Variants in LHFPL3 observed in about 807,000 individuals in gnomAD.
LHFPL3 encodes the protein LHFPL tetraspan subfamily member 3 protein.
In LHFPL3, 5 loss-of-function variants were observed where a neutral mutation model predicts 19.3. The observed-to-expected ratio is 0.26, with a 90% CI of 0.14 to 0.54. The LOEUF (loss-of-function observed/expected upper bound fraction) is 0.54, where lower values mean the gene tolerates loss of function less well. Among genes scored for constraint, LHFPL3 ranks in the 20% least tolerant of loss-of-function variants. The probability of loss-of-function intolerance (pLI) is 0.94; values close to 1 mark genes in which losing one functional copy is unlikely to be tolerated. For missense variants in LHFPL3, 249 were observed against 307.4 expected (o/e 0.81, Z 1.42); for synonymous variants, 133 against 126.2 (o/e 1.05, Z -0.36).
intron 2 of LHFPL3, among the ~76,000 whole-genome samples, chr7:104,857,808 A>T (rs190609247): frequency 2.0e-5 from 3 of 152,300 alleles, no homozygotes; most frequent in Non-Finnish European, 4.4e-5. Flanking sequence ...TGAGCTCCCA[A>T]AACTGGCACC....
At chr7:104,496,578 TC>T (rs973100201) in intron 1 of LHFPL3, among the ~76,000 whole-genome samples, 51 of 152,158 alleles carry the variant, frequency 3.4e-4, no homozygotes, top group Admixed American at 2.0e-4. Flanking sequence ...TAGTTTACAG[TC>T]CCACCAACAG....
At chr7:104,359,772 G>A (rs1790356174) in intron 1 of LHFPL3, among the ~76,000 whole-genome samples, 1 of 152,240 alleles carries the variant, frequency 6.6e-6, no homozygotes, top group African/African-American at 2.4e-5. Context: ...TTAAAAAGTG[G>A]CCAGCACAGT....
chr7:104,328,631 G>A lies in LHFPL3; in HGVS notation c.-149G>A, dbSNP rs372974191. On this transcript the variant is annotated 5_prime_UTR_variant, in exon 1 of 3. Transcript: ENST00000424859. This position sits in a 1 kb window ranked among gnomAD's most constrained non-coding sequence, Gnocchi z 4.6. ...CCCCCGCCCTCCTTCCGGGAGCGAG[G>A]ATGCAGACTCTGAAACTGGTGCTGC... The A allele has an allele frequency of 7.2e-6, 5 of 698,636 alleles. No homozygotes were observed. The highest frequency in any genetic ancestry group is 1.8e-5 in the South Asian group (1 of 54,754). 43.3% of individuals were successfully genotyped at this position (698,636 alleles called of 1,614,324 possible).
intron 1 of LHFPL3, among the ~76,000 whole-genome samples, chr7:104,705,032 A>G (rs1793167087): frequency 6.6e-6 from 1 of 152,182 alleles, no homozygotes; most frequent in South Asian, 2.1e-4. Flanking sequence ...GGCTGTGGTT[A>G]ATCACATTTC....
chr7:104,814,223 T>A (rs1387101176), intron 2 of LHFPL3, among the ~76,000 whole-genome samples: 1 of 151,830 alleles, frequency 6.6e-6, no homozygotes, highest in African/African-American at 2.4e-5. Context: ...GCAGAGAGGG[T>A]AGCTCCTCTC....
At chr7:104,765,072 T>C (rs1159467808) in intron 2 of LHFPL3, among the ~76,000 whole-genome samples, 1 of 152,244 alleles carries the variant, frequency 6.6e-6, no homozygotes, top group Non-Finnish European at 1.5e-5. Flanking sequence ...CCATTTCTTA[T>C]CTTGTGTTCT....
intron 2 of LHFPL3, among the ~76,000 whole-genome samples, chr7:104,844,650 A>T (rs1028472017): frequency 2.0e-5 from 3 of 152,254 alleles, no homozygotes; most frequent in Admixed American, 6.5e-5. Context: ...AAGATAAAAT[A>T]AAAACAACAA....
intron 1 of LHFPL3, among the ~76,000 whole-genome samples, chr7:104,684,926 GA>G (rs1295696284): frequency 6.6e-6 from 1 of 152,118 alleles, no homozygotes; most frequent in Admixed American, 6.5e-5. Context: ...TCTTTTGAGG[GA>G]AAAAGAAAAT....
intron 1 of LHFPL3, among the ~76,000 whole-genome samples, chr7:104,454,685 T>G (rs1005465741): frequency 5.9e-5 from 9 of 152,184 alleles, no homozygotes; most frequent in African/African-American, 2.2e-4. Flanking sequence ...AGATCCCATA[T>G]GCAGAGTACC....
At position 104,575,559 on chromosome 7, in the gene LHFPL3, TAAAAAAAAAAAA is replaced by T. The variant is rs58118006; in HGVS notation, c.446-161100_446-161089del. On this transcript the variant is annotated intron_variant, in intron 1 of 2. Transcript: ENST00000424859. ...ACAGCTGATAGTGTCCAAAGAGATC[TAAAAAAAAAAAA>T]AAAAAAAAAAAAAAACAGAAACAAG... Among the ~76,000 whole-genome samples the T allele has an allele frequency of 8.0e-3, 288 of 36,172 alleles. 1 individual carries two copies. Among genetic ancestry groups the T allele is most frequent in the South Asian group, 0.079 (75 of 944 alleles). 23.7% of individuals were successfully genotyped at this position (36,172 alleles called of 152,430 possible).
chr7:104,779,633 C>T (rs1334112705), intron 2 of LHFPL3, among the ~76,000 whole-genome samples: 2 of 152,202 alleles, frequency 1.3e-5, no homozygotes, highest in South Asian at 2.1e-4. Context: ...GTGACCTCTG[C>T]ACAAGGTTGT....
chr7:104,338,878 A>G (rs1789890542), intron 1 of LHFPL3, among the ~76,000 whole-genome samples: 2 of 152,228 alleles, frequency 1.3e-5, no homozygotes, highest in African/African-American at 4.8e-5. Context: ...TGTCAAGTGG[A>G]TATAGACTCA....
At chr7:104,397,198 C>T (rs1470417680) in intron 1 of LHFPL3, among the ~76,000 whole-genome samples, 1 of 152,036 alleles carries the variant, frequency 6.6e-6, no homozygotes, top group African/African-American at 2.4e-5. Context: ...AGTGAATTTT[C>T]CAATAAAATT....
intron 1 of LHFPL3, among the ~76,000 whole-genome samples, chr7:104,349,737 T>C (rs1287203093): frequency 6.6e-6 from 1 of 152,192 alleles, no homozygotes; most frequent in Non-Finnish European, 1.5e-5. Flanking sequence ...AAAAGTAACA[T>C]TTATAATCAA....
At chr7:104,377,657 A>C (rs943865887) in intron 1 of LHFPL3, among the ~76,000 whole-genome samples, 1 of 152,176 alleles carries the variant, frequency 6.6e-6, no homozygotes, top group African/African-American at 2.4e-5. Flanking sequence ...AATTAATGTA[A>C]GTTGACTCTC....
At chr7:104,593,052 G>C (rs1449141136) in intron 1 of LHFPL3, among the ~76,000 whole-genome samples, 1 of 152,122 alleles carries the variant, frequency 6.6e-6, no homozygotes, top group Non-Finnish European at 1.5e-5. Context: ...GTTCTGCTCT[G>C]ATCTTAGTTA....
At chr7:104,732,407 T>C (rs1793722098) in intron 1 of LHFPL3, among the ~76,000 whole-genome samples, 1 of 152,182 alleles carries the variant, frequency 6.6e-6, no homozygotes, top group Admixed American at 6.5e-5. Flanking sequence ...ACAGAGCCTG[T>C]TATTGGTCTA....
intron 2 of LHFPL3, among the ~76,000 whole-genome samples, chr7:104,830,899 A>C (rs1298156841): frequency 6.6e-6 from 1 of 151,748 alleles, no homozygotes; most frequent in African/African-American, 2.4e-5. Flanking sequence ...TTTGGATAGG[A>C]TGGGTATTCA....
intron 1 of LHFPL3, among the ~76,000 whole-genome samples, chr7:104,614,683 CTTTCTTTCTTT>C (rs1562950471): frequency 1.0e-5 from 1 of 96,260 alleles, no homozygotes; most frequent in African/African-American, 4.5e-5. Flanking sequence ...TTCCTTCCTT[CTTTCTTTCTTT>C]CTTTCTTTCT....
Sources: allele counts gnomAD v4.1 joint callset (sites outside exome capture counted in the v4.1 genomes callset), GRCh38; gene constraint gnomAD v4.1.1; non-coding constraint Gnocchi (gnomAD v3.1); transcripts MANE v1.5; gene names NCBI Gene and HGNC (gene_info 2026-07-23, HGNC 2026-07-21).